The following ZNRF1 variants were observed in gnomAD, a reference collection of about 807,000 sequenced individuals.
The protein encoded by ZNRF1 is zinc and ring finger 1, also known as E3 ubiquitin-protein ligase ZNRF1.
A neutral mutation model predicts 18.4 loss-of-function variants in ZNRF1; 3 were observed. The observed-to-expected ratio is 0.16, with a 90% CI of 0.07 to 0.42. ZNRF1 has a LOEUF of 0.42. Ranked by LOEUF, ZNRF1 falls within the 10% of genes least tolerant of loss-of-function variation. ZNRF1 has a pLI of 0.99. For missense variants in ZNRF1, 310 were observed against 329.8 expected (o/e 0.94, Z 0.47); for synonymous variants, 157 against 144.2 (o/e 1.09, Z -0.64).
At chr16:75,024,012 A>G (rs958418930) in intron 1 of ZNRF1, among the ~76,000 whole-genome samples, 1 of 151,800 alleles carries the variant, frequency 6.6e-6, no homozygotes, top group Non-Finnish European at 1.5e-5. Flanking sequence ...CTAGGACTAC[A>G]GGTGCGTGCC....
At chr16:75,046,408 C>A (rs1023131838) in intron 1 of ZNRF1, among the ~76,000 whole-genome samples, 5 of 149,010 alleles carry the variant, frequency 3.4e-5, no homozygotes, top group African/African-American at 1.2e-4. Flanking sequence ...TGTGCCACCA[C>A]GCCCAGCTAA....
At chr16:75,008,687 A>G (rs11149791) in intron 1 of ZNRF1, among the ~76,000 whole-genome samples, 61,634 of 152,056 alleles carry the variant, frequency 0.41, 15,046 homozygotes, top group Non-Finnish European at 0.55. Flanking sequence ...GAGAATATAT[A>G]TATTTATTAT....
At chr16:75,049,661 C>T (rs1310769595) in intron 1 of ZNRF1, among the ~76,000 whole-genome samples, 1 of 152,168 alleles carries the variant, frequency 6.6e-6, no homozygotes, top group East Asian at 1.9e-4. Context: ...AATTTCGCTG[C>T]TTCTACTTAC....
At chr16:75,022,406 A>G (rs2035163368) in intron 1 of ZNRF1, among the ~76,000 whole-genome samples, 1 of 150,900 alleles carries the variant, frequency 6.6e-6, no homozygotes. Context: ...TACTAAAAAT[A>G]CAAAAAAAAA....
intron 1 of ZNRF1, among the ~76,000 whole-genome samples, chr16:75,029,229 C>G (rs903054552): frequency 5.3e-5 from 8 of 152,148 alleles, no homozygotes; most frequent in Non-Finnish European, 1.2e-4. Context: ...TCACTGCAAG[C>G]TCCACCTTCC....
intron 1 of ZNRF1, among the ~76,000 whole-genome samples, chr16:75,005,479 T>C (rs575337217): frequency 6.6e-6 from 1 of 152,308 alleles, no homozygotes; most frequent in East Asian, 1.9e-4. Context: ...CAAGCTCTAG[T>C]TCCTTTTGGG....
Position 75,000,110 on chromosome 16 carries a change from G to A in ZNRF1, c.424+15G>A, listed in dbSNP as rs1177966019. On this transcript the variant is annotated intron_variant, in intron 1 of 4. Coordinates refer to ENST00000335325, the MANE Select transcript of ZNRF1 (RefSeq NM_032268.5). Reference sequence around the variant, plus strand: ...CTCGCATAGTGGTGAGTCCGCGGGTGGTGGAGGCCTCGGAGGGAGGGCGCG... The same window carrying A: ...CTCGCATAGTGGTGAGTCCGCGGGTAGTGGAGGCCTCGGAGGGAGGGCGCG... 1.3e-6 allele frequency: 2 copies of A among 1,593,748 alleles called. No homozygotes were observed. The highest frequency in any genetic ancestry group is 2.3e-5 in the East Asian group (1 of 44,148).
intron 1 of ZNRF1, among the ~76,000 whole-genome samples, chr16:75,047,957 CT>C (rs35369673): frequency 0.012 from 1,769 of 147,254 alleles, 35 homozygotes; most frequent in African/African-American, 0.04. Context: ...CCTCATCATT[CT>C]TTTTTTTTTT....
chr16:75,013,976 A>C (rs1439596142), intron 1 of ZNRF1, among the ~76,000 whole-genome samples: 1 of 151,882 alleles, frequency 6.6e-6, no homozygotes, highest in Non-Finnish European at 1.5e-5. Context: ...ATTACAGGCA[A>C]ACACCACCAC....
At chr16:75,058,662 C>A (rs2035699382) in intron 1 of ZNRF1, among the ~76,000 whole-genome samples, 1 of 152,290 alleles carries the variant, frequency 6.6e-6, no homozygotes, top group East Asian at 1.9e-4. Flanking sequence ...CCTCATCACG[C>A]TGCTTTGGAA....
At chr16:75,032,971 C>A (rs1274483627) in intron 1 of ZNRF1, among the ~76,000 whole-genome samples, 3 of 152,136 alleles carry the variant, frequency 2.0e-5, no homozygotes, top group African/African-American at 7.2e-5. Context: ...TGTAAGCATG[C>A]TGCTGCACTC....
intron 1 of ZNRF1, among the ~76,000 whole-genome samples, chr16:75,023,785 T>C (rs1234007234): frequency 6.6e-6 from 1 of 152,088 alleles, no homozygotes; most frequent in Non-Finnish European, 1.5e-5. Context: ...CCTTTTTCTT[T>C]GGCCATGGCT....
At position 75,110,928 on chromosome 16, in the gene ZNRF1, C is replaced by G. The variant is rs1597916764; in HGVS notation, c.*3228C>G. 2 of 127,820 alleles carry G rather than the reference C, an allele frequency of 1.6e-5. No homozygotes were observed. Among genetic ancestry groups the G allele is most frequent in the African/African-American group, 6.2e-5 (2 of 32,090 alleles). 7.9% of individuals were successfully genotyped at this position (127,820 alleles called of 1,614,324 possible). On this transcript the variant is annotated 3_prime_UTR_variant, in exon 5 of 5. Coordinates refer to ENST00000335325, the MANE Select transcript of ZNRF1 (RefSeq NM_032268.5). ...AGGGCTGAGATTTGTCACCAGTGAG[C>G]CCTTGGCACGGTCTCTGCTCCCCAC... is the stretch of plus-strand genomic sequence containing the variant.
At chr16:75,045,454 A>G (rs1012156869) in intron 1 of ZNRF1, among the ~76,000 whole-genome samples, 2 of 152,238 alleles carry the variant, frequency 1.3e-5, no homozygotes, top group Non-Finnish European at 2.9e-5. Flanking sequence ...AGGTGGGACC[A>G]GTGCAAATTG....
rs992679382 is a variant in ZNRF1, at chr16:75,108,626, TA to T, written c.*933del. On this transcript the variant is annotated 3_prime_UTR_variant, in exon 5 of 5. Transcript: ENST00000335325. Reference sequence around the variant, plus strand: ...TACAAAAAAAAACTTATAAAATGTTTAAAAAAATGTTCAAAGCTTGGGAGAA... The same window carrying T: ...TACAAAAAAAAACTTATAAAATGTTTAAAAAATGTTCAAAGCTTGGGAGAA... The T allele has an allele frequency of 1.3e-5, 5 of 398,810 alleles. No homozygotes were observed. The highest frequency in any genetic ancestry group is 6.2e-5 in the African/African-American group (3 of 48,636). 24.7% of individuals were successfully genotyped at this position (398,810 alleles called of 1,614,324 possible). A position where few individuals can be genotyped will look rare whatever the true frequency, so the allele number is the denominator to read the frequency against.
intron 1 of ZNRF1, among the ~76,000 whole-genome samples, chr16:75,017,083 C>G (rs925641976): frequency 1.3e-5 from 2 of 152,074 alleles, no homozygotes; most frequent in African/African-American, 4.8e-5. Flanking sequence ...ATTGCACAAA[C>G]AATAACATTT....
At chr16:75,038,651 G>GC (rs1199177376) in intron 1 of ZNRF1, among the ~76,000 whole-genome samples, 1 of 152,138 alleles carries the variant, frequency 6.6e-6, no homozygotes, top group Non-Finnish European at 1.5e-5. Context: ...GGGAGCTTGA[G>GC]CCCCACTGTA....
intron 1 of ZNRF1, among the ~76,000 whole-genome samples, chr16:75,005,930 C>T (rs184400856): frequency 1.6e-3 from 240 of 152,244 alleles, no homozygotes; most frequent in Non-Finnish European, 2.1e-3. Context: ...GGTGGTATAG[C>T]CTGCTACATA....
chr16:75,103,359 T>C (rs2036274556), intron 2 of ZNRF1, among the ~76,000 whole-genome samples: 1 of 152,158 alleles, frequency 6.6e-6, no homozygotes, highest in Admixed American at 6.5e-5. Flanking sequence ...TTTAATAGCA[T>C]TTAAGACATT....
Sources: allele counts gnomAD v4.1 joint callset (sites outside exome capture counted in the v4.1 genomes callset), GRCh38; gene constraint gnomAD v4.1.1; transcripts MANE v1.5; gene names NCBI Gene and HGNC (gene_info 2026-07-23, HGNC 2026-07-21).